The following RSPO2 variants were observed in gnomAD, a reference collection of about 807,000 sequenced individuals.
RSPO2 encodes the protein R-spondin 2.
In RSPO2, 14 loss-of-function variants were observed where a neutral mutation model predicts 30.9. That is an observed-to-expected ratio of 0.45 (90% confidence interval 0.30 to 0.71). The LOEUF is 0.71. Ranked by LOEUF, RSPO2 falls within the 30% of genes least tolerant of loss-of-function variation. The pLI is 0.08. For missense variants in RSPO2, 264 were observed against 301.9 expected (o/e 0.87, Z 0.93); for synonymous variants, 107 against 96.4 (o/e 1.11, Z -0.64).
intron 5 of RSPO2, among the ~76,000 whole-genome samples, chr8:107,915,710 A>G (rs1464362792): frequency 6.6e-6 from 1 of 152,130 alleles, no homozygotes; most frequent in African/African-American, 2.4e-5. Flanking sequence ...GTGAGCCCTG[A>G]AGAGAGTTCA....
At chr8:108,002,963 G>A (rs1423068186) in intron 2 of RSPO2, among the ~76,000 whole-genome samples, 2 of 151,874 alleles carry the variant, frequency 1.3e-5, no homozygotes, top group Non-Finnish European at 2.9e-5. Context: ...TTTCTACAAT[G>A]TAGTTCACTG....
At chr8:107,948,794 A>C (rs920308336) in intron 5 of RSPO2, among the ~76,000 whole-genome samples, 2 of 151,930 alleles carry the variant, frequency 1.3e-5, no homozygotes, top group Non-Finnish European at 2.9e-5. Flanking sequence ...TGGGAGGCAG[A>C]GCTTGCAGTG....
At chr8:108,046,883 C>A (rs968213621) in intron 2 of RSPO2, among the ~76,000 whole-genome samples, 1 of 152,140 alleles carries the variant, frequency 6.6e-6, no homozygotes, top group Non-Finnish European at 1.5e-5. Context: ...ACACCTTTTA[C>A]CCAGTCAGAA....
chr8:107,957,038 T>C (rs1002634683), intron 5 of RSPO2, among the ~76,000 whole-genome samples: 1 of 152,194 alleles, frequency 6.6e-6, no homozygotes, highest in Non-Finnish European at 1.5e-5. Flanking sequence ...AATCTGGATC[T>C]AATAGTTCTC....
At chr8:108,028,489 A>T (rs1047537282) in intron 2 of RSPO2, among the ~76,000 whole-genome samples, 1 of 152,168 alleles carries the variant, frequency 6.6e-6, no homozygotes, top group Non-Finnish European at 1.5e-5. Context: ...ACACCTGTTC[A>T]CACATTATTC....
At chr8:108,010,143 T>C (rs1384702710) in intron 2 of RSPO2, among the ~76,000 whole-genome samples, 1 of 151,758 alleles carries the variant, frequency 6.6e-6, no homozygotes, top group Non-Finnish European at 1.5e-5. Flanking sequence ...AGAGCAAAAG[T>C]TTTTCATAAG....
intron 2 of RSPO2, among the ~76,000 whole-genome samples, chr8:108,023,909 C>T (rs1459015377): frequency 3.9e-5 from 6 of 152,010 alleles, no homozygotes; most frequent in African/African-American, 1.4e-4. Context: ...AACCAGTTAC[C>T]CAAATTCTTT....
In RSPO2 at chr8:107,989,205, G is replaced by A. The variant is rs766437369; in HGVS notation, c.134C>T (p.Ser45Phe). The A allele has an allele frequency of 1.5e-5, 24 of 1,590,468 alleles. No homozygotes were observed. The highest frequency in any genetic ancestry group is 1.7e-4 in the Middle Eastern group (1 of 5,988). Residue 45 changes from serine to phenylalanine, a missense_variant, in exon 3 of 6, where the codon TCT becomes TTT. Ser to Phe is a radical substitution (Grantham distance 155). Coordinates refer to ENST00000276659, the MANE Select transcript of RSPO2 (RefSeq NM_178565.5). The stretch of plus-strand genomic sequence containing the variant: ...GCTACACCCATTGTCCTTTGAACAA[G>A]ACAAACAACCCTTGCAAATGGGATT... ...VSNPICKGCL[S>F]CSKDNGCSRC... is the part of the protein sequence containing the mutation.
At chr8:107,979,232 G>A (rs192090434) in intron 3 of RSPO2, among the ~76,000 whole-genome samples, 9 of 152,262 alleles carry the variant, frequency 5.9e-5, no homozygotes, top group Admixed American at 2.6e-4. Flanking sequence ...ACGTGCACAC[G>A]TATGTTTATT....
At chr8:108,012,022 G>T (rs576267392) in intron 2 of RSPO2, among the ~76,000 whole-genome samples, 1 of 152,184 alleles carries the variant, frequency 6.6e-6, no homozygotes. Flanking sequence ...ATAAGAAAAA[G>T]AGAAAGAGCT....
At chr8:107,936,695 CAT>C (rs1467114326) in intron 5 of RSPO2, among the ~76,000 whole-genome samples, 9 of 151,964 alleles carry the variant, frequency 5.9e-5, no homozygotes, top group Non-Finnish European at 1.0e-4. Flanking sequence ...TTTATTTTTA[CAT>C]GTTTTTAACT....
At chr8:107,984,334 T>C (rs1229252187) in intron 3 of RSPO2, among the ~76,000 whole-genome samples, 1 of 152,258 alleles carries the variant, frequency 6.6e-6, no homozygotes, top group Non-Finnish European at 1.5e-5. Context: ...CCATAAATGA[T>C]AATGCAAAAC....
At chr8:107,948,970 T>A in intron 5 of RSPO2, among the ~76,000 whole-genome samples, 1 of 152,002 alleles carries the variant, frequency 6.6e-6, no homozygotes, top group East Asian at 1.9e-4. Context: ...GCACCTTTTT[T>A]TTTTTTTTTG....
In RSPO2 at chr8:107,915,850, C is replaced by T. The variant is rs76267570; in HGVS notation, c.617-14660G>A. On this transcript the variant is annotated intron_variant, in intron 5 of 5. Transcript: ENST00000276659. ...GCCTATTGGGAAACATCTTGCAAAA[C>T]GGAGAATCTTTTGCCTGTGGTTCCA... Among the ~76,000 whole-genome samples, 553 of 152,184 alleles carry T rather than the reference C, an allele frequency of 3.6e-3. 3 individuals are homozygous for T. Among genetic ancestry groups the T allele is most frequent in the African/African-American group, 0.013 (540 of 41,524 alleles).
chr8:108,030,119 GAAAAAAAAAAA>G (rs11434221), intron 2 of RSPO2, among the ~76,000 whole-genome samples: 1,330 of 71,032 alleles, frequency 0.019, 38 homozygotes, highest in African/African-American at 0.062. Flanking sequence ...GGATAGATAG[GAAAAAAAAAAA>G]AAAAAAAAAA....
chr8:107,960,977 A>C (rs1473468749), intron 3 of RSPO2, among the ~76,000 whole-genome samples, 160 bp from the exon 4 acceptor site: 1 of 152,198 alleles, frequency 6.6e-6, no homozygotes, highest in Non-Finnish European at 1.5e-5. Flanking sequence ...ATCTCATTCT[A>C]AGTCATCCCT....
At chr8:108,028,857 A>G (rs980951743) in intron 2 of RSPO2, among the ~76,000 whole-genome samples, 2 of 152,142 alleles carry the variant, frequency 1.3e-5, no homozygotes, top group Non-Finnish European at 2.9e-5. Context: ...CCTGTAAACT[A>G]TAGGAAGCTG....
intron 2 of RSPO2, among the ~76,000 whole-genome samples, chr8:108,030,268 C>A (rs956313265): frequency 2.0e-5 from 3 of 152,018 alleles, no homozygotes; most frequent in Non-Finnish European, 2.9e-5. Context: ...AAGCAGTATT[C>A]ATTCATGTGA....
intron 5 of RSPO2, among the ~76,000 whole-genome samples, chr8:107,944,263 A>G (rs1451456370): frequency 6.6e-6 from 1 of 152,210 alleles, no homozygotes; most frequent in Non-Finnish European, 1.5e-5. Flanking sequence ...AAGGAAAGAT[A>G]ATAACTGCTG....
Sources: allele counts gnomAD v4.1 joint callset (sites outside exome capture counted in the v4.1 genomes callset), GRCh38; gene constraint gnomAD v4.1.1; transcripts MANE v1.5; gene names NCBI Gene and HGNC (gene_info 2026-07-23, HGNC 2026-07-21).